DIP2B: variants seen among roughly 807,000 people sequenced by gnomAD.
DIP2B encodes the protein disco-interacting protein 2 homolog B.
Under a neutral mutation model 198.0 loss-of-function variants are expected in DIP2B, and 76 were observed. That is an observed-to-expected ratio of 0.38 (90% CI 0.32 to 0.46). The LOEUF (loss-of-function observed/expected upper bound fraction) is 0.46. Among genes scored for constraint, DIP2B ranks in the 20% least tolerant of loss-of-function variants. The pLI, the probability that DIP2B is intolerant of heterozygous loss-of-function variation, is 0.99. For synonymous variants in DIP2B, 701 were observed against 739.1 expected (o/e 0.95, Z 0.84); for missense variants, 1,559 against 1,978.4 (o/e 0.79, Z 4.02).
chr12:50,579,152 TGAAA>T (rs1309493980), intron 1 of DIP2B, among the ~76,000 whole-genome samples: 2 of 152,126 alleles, frequency 1.3e-5, no homozygotes, highest in African/African-American at 4.8e-5. Flanking sequence ...CATTTCTACT[TGAAA>T]GAATAAATGA....
chr12:50,722,187 C>A (rs1939848741), intron 26 of DIP2B, among the ~76,000 whole-genome samples: 1 of 151,978 alleles, frequency 6.6e-6, no homozygotes, highest in African/African-American at 2.4e-5. Context: ...ATACATCCAG[C>A]TTTCTTTGGC....
At chr12:50,689,366 C>G (rs1029414319) in intron 12 of DIP2B, among the ~76,000 whole-genome samples, 1 of 152,026 alleles carries the variant, frequency 6.6e-6, no homozygotes, top group African/African-American at 2.4e-5. Flanking sequence ...GAGCGAGACT[C>G]TGTCTCAAAA....
At chr12:50,741,313 A>C (rs1334231318) in intron 36 of DIP2B, 103 bp from the exon 37 acceptor site, 1 of 1,424,264 alleles carries the variant, frequency 7.0e-7, no homozygotes, top group African/African-American at 1.4e-5. Flanking sequence ...TGGTAGGGGC[A>C]GAGCCAGGTG....
At chr12:50,508,401 G>A (rs759775911) in intron 1 of DIP2B, among the ~76,000 whole-genome samples, 32 of 152,152 alleles carry the variant, frequency 2.1e-4, no homozygotes, top group South Asian at 1.0e-3. Context: ...CACTAATGGG[G>A]AGAATTAATT....
chr12:50,649,643 C>T lies in DIP2B; in HGVS notation c.301+8791C>T, dbSNP rs540058840. 5.9e-5 allele frequency among the ~76,000 whole-genome samples: 9 copies of T among 152,300 alleles called. No individual in the cohort carries two copies. The East Asian group carries it at 1.7e-3, about 29-fold the overall frequency. On this transcript the variant is annotated intron_variant, in intron 3 of 37. Coordinates refer to ENST00000301180, the MANE Select transcript of DIP2B (RefSeq NM_173602.3). Reference sequence around the variant, plus strand: ...CCAAAGTGGGCAAATCACTTGAGGTCAGGAGTTCGAGGCCAGGCTGGCCAA... The same window carrying T: ...CCAAAGTGGGCAAATCACTTGAGGTTAGGAGTTCGAGGCCAGGCTGGCCAA...
intron 1 of DIP2B, among the ~76,000 whole-genome samples, chr12:50,524,720 A>G (rs1401031071): frequency 6.6e-6 from 1 of 152,160 alleles, no homozygotes; most frequent in African/African-American, 2.4e-5. Context: ...ATAACAAGTA[A>G]TATGTATTGC....
chr12:50,665,143 A>G lies in DIP2B; in HGVS notation c.427+4824A>G, dbSNP rs184645758. Among the ~76,000 whole-genome samples the G allele has an allele frequency of 1.5e-3, 227 of 152,190 alleles. 1 individual carries two copies. Among genetic ancestry groups the G allele is most frequent in the Non-Finnish European group, 1.3e-3 (86 of 67,998 alleles). On this transcript the variant is annotated intron_variant, in intron 4 of 37. Transcript: ENST00000301180. ...GGCATGAGCCACCACACCCTGCTCT[A>G]TATTTCTATATATGAAAATGATACC...
intron 1 of DIP2B, among the ~76,000 whole-genome samples, chr12:50,587,536 A>T (rs764578909): frequency 2.0e-5 from 3 of 152,158 alleles, no homozygotes; most frequent in Non-Finnish European, 4.4e-5. Flanking sequence ...TGATACTTTA[A>T]ATCATAGAGG....
rs557327532 is a variant in DIP2B, at chr12:50,664,409, A to G, written c.427+4090A>G. On this transcript the variant is annotated intron_variant, in intron 4 of 37. Transcript: ENST00000301180. ...ATTTAAATTCTCTAAATTGGTAGCA[A>G]TCTATGGTTCTTTTAGTGCTTGTGG... Among the ~76,000 whole-genome samples, 51 of 152,310 alleles carry G rather than the reference A, an allele frequency of 3.3e-4. 1 individual carries two copies. In the South Asian group the frequency reaches 0.01, roughly 30 times the overall value.
At chr12:50,670,483 G>A (rs117986105) in intron 4 of DIP2B, among the ~76,000 whole-genome samples, 2,503 of 152,030 alleles carry the variant, frequency 0.016, 74 homozygotes, top group East Asian at 0.14. Context: ...TGGTGCGATC[G>A]TGGCTCACCG....
At chr12:50,630,377 C>T (rs1349967957) in intron 2 of DIP2B, among the ~76,000 whole-genome samples, 1 of 152,084 alleles carries the variant, frequency 6.6e-6, no homozygotes, top group Non-Finnish European at 1.5e-5. Context: ...TCTTCTCTCT[C>T]TCTCTCTGAC....
intron 3 of DIP2B, among the ~76,000 whole-genome samples, chr12:50,649,440 C>G (rs1938414959): frequency 6.6e-6 from 1 of 152,154 alleles, no homozygotes; most frequent in Non-Finnish European, 1.5e-5. Context: ...AGGCGTATAT[C>G]TGGGAATTTA....
intron 22 of DIP2B, among the ~76,000 whole-genome samples, chr12:50,711,083 G>A (rs992015441): frequency 3.3e-5 from 5 of 152,152 alleles, no homozygotes; most frequent in Admixed American, 2.0e-4. Context: ...CTTTTCCCTG[G>A]AAAGCAACTA....
At chr12:50,578,504 CTT>C (rs62685162) in intron 1 of DIP2B, among the ~76,000 whole-genome samples, 26 of 111,612 alleles carry the variant, frequency 2.3e-4, no homozygotes, top group East Asian at 1.3e-3. Context: ...GTTATTTGCT[CTT>C]TTTTTTTTTT....
At position 50,672,177 on chromosome 12, in the gene DIP2B, T is replaced by C. The variant is rs185451152; in HGVS notation, c.640+779T>C. On this transcript the variant is annotated intron_variant, in intron 5 of 37. Coordinates refer to ENST00000301180, the MANE Select transcript of DIP2B (RefSeq NM_173602.3). Reference sequence around the variant, plus strand: ...TTAATTTTCATCTCAGTGACCTGTCTATATCACCTAATATATCTTTATTCT... The same window carrying C: ...TTAATTTTCATCTCAGTGACCTGTCCATATCACCTAATATATCTTTATTCT... 2.6e-5 allele frequency among the ~76,000 whole-genome samples: 4 copies of C among 152,356 alleles called. No individual in the cohort carries two copies. The East Asian group carries it at 7.7e-4, about 29-fold the overall frequency.
chr12:50,739,959 A>T (rs986392643), intron 36 of DIP2B, among the ~76,000 whole-genome samples: 3 of 152,186 alleles, frequency 2.0e-5, no homozygotes, highest in Non-Finnish European at 2.9e-5. Flanking sequence ...GAATGGCCCT[A>T]TTCCCTGAGA....
At chr12:50,566,529 AT>A (rs1472499321) in intron 1 of DIP2B, among the ~76,000 whole-genome samples, 2 of 151,864 alleles carry the variant, frequency 1.3e-5, no homozygotes. Context: ...TGCAGCCATT[AT>A]TTTTTCAATT....
chr12:50,657,778 AAAAGGC>A (rs1406368922), intron 3 of DIP2B, among the ~76,000 whole-genome samples: 1 of 152,218 alleles, frequency 6.6e-6, no homozygotes, highest in Non-Finnish European at 1.5e-5. Flanking sequence ...TCAAGATAAT[AAAAGGC>A]AAAGTAAGGC....
chr12:50,613,588 A>G (rs139196031), intron 1 of DIP2B, among the ~76,000 whole-genome samples: 1 of 152,304 alleles, frequency 6.6e-6, no homozygotes, highest in Non-Finnish European at 1.5e-5. Flanking sequence ...TGTTCAATAC[A>G]GTGGGGTAAA....
Sources: gnomAD v4.1 joint callset for allele counts (sites outside exome capture counted in the v4.1 genomes callset) on GRCh38, gnomAD v4.1.1 for gene constraint, MANE v1.5 for transcripts, NCBI Gene and HGNC (gene_info 2026-07-23, HGNC 2026-07-21) for gene names.